Variants in SNX25 observed in about 807,000 individuals in gnomAD.
The protein encoded by SNX25 is sorting nexin 25.
Under a neutral mutation model 113.7 loss-of-function variants are expected in SNX25, and 62 were observed. The observed-to-expected ratio is 0.55, with a 90% confidence interval of 0.44 to 0.67. SNX25 has a LOEUF of 0.67. Ranked by LOEUF, SNX25 falls within the 30% of genes least tolerant of loss-of-function variation. The probability of loss-of-function intolerance (pLI) is 0.00; values close to 1 mark genes in which losing one functional copy is unlikely to be tolerated. For synonymous variants in SNX25, 421 were observed against 436.2 expected (o/e 0.97, Z 0.43); for missense variants, 1,014 against 1,161.0 (o/e 0.87, Z 1.84).
chr4:185,308,853 A>G (rs1448319431), intron 6 of SNX25, among the ~76,000 whole-genome samples: 1 of 152,128 alleles, frequency 6.6e-6, no homozygotes, highest in Non-Finnish European at 1.5e-5. Context: ...CCAGAGCTGA[A>G]TGTTTCCGAA....
At chr4:185,324,088 T>C (rs537762724) in intron 9 of SNX25, among the ~76,000 whole-genome samples, 19 of 152,200 alleles carry the variant, frequency 1.2e-4, no homozygotes, top group Non-Finnish European at 2.2e-4. Flanking sequence ...CTGCCCTCTG[T>C]CTGTTTTAGA....
In SNX25 at chr4:185,330,954, C is replaced by T. The variant is rs537909885; in HGVS notation, c.1750-1641C>T. Among the ~76,000 whole-genome samples the T allele has an allele frequency of 5.3e-5, 8 of 152,072 alleles. No homozygotes were observed. The South Asian group carries it at 6.2e-4, about 12-fold the overall frequency. On this transcript the variant is annotated intron_variant, in intron 9 of 18. Coordinates refer to ENST00000652585, the MANE Select transcript of SNX25 (RefSeq NM_001378034.2). ...AGATAGTTAATTTTACAGCAAATGC[C>T]GTAAAAGAGGTTATTCAAATTAATT...
intron 5 of SNX25, among the ~76,000 whole-genome samples, chr4:185,285,723 G>A (rs1225364201): frequency 1.3e-5 from 2 of 152,118 alleles, no homozygotes; most frequent in African/African-American, 4.8e-5. Context: ...TGATGTAATT[G>A]GAACCCTGAA....
rs554729368 is a variant in SNX25, at chr4:185,243,584, A to T, written c.430-3710A>T. Among the ~76,000 whole-genome samples, 11 of 152,354 alleles carry T rather than the reference A, an allele frequency of 7.2e-5. No individual in the cohort carries two copies. In the East Asian group the frequency reaches 2.1e-3, roughly 29 times the overall value. On this transcript the variant is annotated intron_variant, in intron 1 of 18. Transcript: ENST00000652585. Reference sequence around the variant, plus strand: ...ACCACTGTACTCCAGCCTGGGTGGCACAGTGAGACCCTATCAAAAAACAAA... The same window carrying T: ...ACCACTGTACTCCAGCCTGGGTGGCTCAGTGAGACCCTATCAAAAAACAAA...
At chr4:185,373,040 G>C (rs368547805), downstream of SNX25, 5 of 1,611,708 alleles carry the variant, frequency 3.1e-6, no homozygotes, top group African/African-American at 1.3e-5. Flanking sequence ...TGGGACTCCA[G>C]ATTCCCATTG....
chr4:185,329,504 C>T (rs773610990), intron 9 of SNX25, among the ~76,000 whole-genome samples: 10 of 152,172 alleles, frequency 6.6e-5, no homozygotes, highest in Admixed American at 1.3e-4. Flanking sequence ...TTTCTTCTAG[C>T]TTAGTCCTAC....
chr4:185,323,119 A>G (rs1430059830), intron 8 of SNX25, among the ~76,000 whole-genome samples: 1 of 152,162 alleles, frequency 6.6e-6, no homozygotes, highest in African/African-American at 2.4e-5. Flanking sequence ...TGAGTTACAC[A>G]ATTATTATAT....
downstream of SNX25, among the ~76,000 whole-genome samples, chr4:185,368,592 TATC>T (rs1386386394): frequency 6.6e-6 from 1 of 152,196 alleles, no homozygotes; most frequent in Non-Finnish European, 1.5e-5. Context: ...CGTCATATGA[TATC>T]ATTCCAGACC....
At chr4:185,241,157 G>A (rs1743898233) in intron 1 of SNX25, among the ~76,000 whole-genome samples, 1 of 151,862 alleles carries the variant, frequency 6.6e-6, no homozygotes, top group Admixed American at 6.6e-5. Flanking sequence ...AGCGAGCCGA[G>A]ATCACGCCAC....
chr4:185,212,462 G>GATTT (rs1737982408), intron 1 of SNX25, among the ~76,000 whole-genome samples: 1 of 95,062 alleles, frequency 1.1e-5, no homozygotes, highest in Admixed American at 1.2e-4. Flanking sequence ...TAATTTGTGT[G>GATTT]ATGTGTGTGT....
At position 185,331,581 on chromosome 4, in the gene SNX25, G is replaced by T. The variant is rs573919445; in HGVS notation, c.1750-1014G>T. Among the ~76,000 whole-genome samples the T allele has an allele frequency of 1.1e-4, 16 of 152,244 alleles. 1 individual carries two copies. In the South Asian group the frequency reaches 3.3e-3, roughly 32 times the overall value. ...GGATCACTTGAGGTCAGGAGTTCGA[G>T]ACCAGCCTGGCCAACATGGTGAAAC... On this transcript the variant is annotated intron_variant, in intron 9 of 18. Coordinates refer to ENST00000652585, the MANE Select transcript of SNX25 (RefSeq NM_001378034.2).
intron 1 of SNX25, among the ~76,000 whole-genome samples, chr4:185,222,043 C>T (rs146375838): frequency 0.012 from 266 of 22,740 alleles, 1 homozygote; most frequent in African/African-American, 0.02. Flanking sequence ...TGTAGGTATA[C>T]AGCACCATAT....
chr4:185,367,158 C>A (rs1272328132), downstream of SNX25: 1 of 1,598,594 alleles, frequency 6.3e-7, no homozygotes, highest in African/African-American at 1.3e-5. Context: ...CATTGATGAT[C>A]TTTGTTGAAA....
In SNX25 at chr4:185,363,247, A is replaced by G; in HGVS notation, c.2935-138A>G. On this transcript the variant is annotated intron_variant, in intron 18 of 18. Transcript: ENST00000652585. The surrounding 1 kb of genome is among the most constrained non-coding windows in gnomAD (Gnocchi z 4.2). The stretch of plus-strand genomic sequence containing the variant: ...CTCTGATTATAGTTACCAATATTAA[A>G]TACTGTTTGAGAGTTACTTGTTTAC... 1.4e-6 allele frequency: 1 copy of G among 724,634 alleles called. No individual in the cohort carries two copies. The highest frequency in any genetic ancestry group is 2.3e-6 in the Non-Finnish European group (1 of 441,414). 44.9% of individuals were successfully genotyped at this position (724,634 alleles called of 1,614,324 possible).
intron 6 of SNX25, among the ~76,000 whole-genome samples, chr4:185,291,582 GC>G (rs1752175587): frequency 6.6e-6 from 1 of 152,200 alleles, no homozygotes; most frequent in Non-Finnish European, 1.5e-5. Context: ...TAAAATCAAG[GC>G]TTTGGCAGGG....
chr4:185,323,623 G>A lies in SNX25; in HGVS notation c.1572G>A (p.Gln524=). Reference sequence around the variant, plus strand: ...AAAAATCACTTTACAAAGAAATTCAGCAGTGTCTTGTAGGAAATAAAGGTA... The same window carrying A: ...AAAAATCACTTTACAAAGAAATTCAACAGTGTCTTGTAGGAAATAAAGGTA... The part of the protein sequence containing the change: ...SVEKSLYKEI[Q]QCLVGNKGIE... Residue 524 remains glutamine, a synonymous_variant, in exon 9 of 19, where the codon CAG becomes CAA. Transcript: ENST00000652585. 1 of 1,613,586 alleles carries A rather than the reference G, an allele frequency of 6.2e-7. No homozygotes were observed. Among genetic ancestry groups the A allele is most frequent in the Non-Finnish European group, 8.5e-7 (1 of 1,179,698 alleles).
intron 12 of SNX25, among the ~76,000 whole-genome samples, chr4:185,344,480 C>T (rs60735992): frequency 0.075 from 11,364 of 152,078 alleles, 613 homozygotes; most frequent in African/African-American, 0.15. Flanking sequence ...GCGTGGTGTG[C>T]GCTTAACAAG....
chr4:185,371,339 A>G (rs538093975), downstream of SNX25, among the ~76,000 whole-genome samples: 5 of 152,062 alleles, frequency 3.3e-5, no homozygotes, highest in Admixed American at 6.6e-5. Context: ...GGAGATTGAG[A>G]CCATCCTGGC....
At chr4:185,302,812 C>G (rs751063174) in intron 6 of SNX25, among the ~76,000 whole-genome samples, 1 of 152,150 alleles carries the variant, frequency 6.6e-6, no homozygotes, top group East Asian at 1.9e-4. Context: ...AGGGCTCTTG[C>G]GAGGGTTCCT....
Sources: gnomAD v4.1 joint callset for allele counts (sites outside exome capture counted in the v4.1 genomes callset) on GRCh38, gnomAD v4.1.1 for gene constraint, Gnocchi (gnomAD v3.1) non-coding constraint, MANE v1.5 for transcripts, NCBI Gene and HGNC (gene_info 2026-07-23, HGNC 2026-07-21) for gene names.